Variants in PDE6C observed in about 807,000 individuals in gnomAD.
PDE6C encodes phosphodiesterase 6C, also known as cone cGMP-specific 3',5'-cyclic phosphodiesterase subunit alpha'.
A neutral mutation model predicts 113.1 loss-of-function variants in PDE6C; 75 were observed. That is an observed-to-expected ratio of 0.66 (90% CI 0.55 to 0.80). The LOEUF is 0.80. Ranked by LOEUF, PDE6C falls within the 30% of genes least tolerant of loss-of-function variation. The probability of loss-of-function intolerance (pLI) is 0.00; values close to 1 mark genes in which losing one functional copy is unlikely to be tolerated. For missense variants in PDE6C, 912 were observed against 1,038.6 expected, an observed-to-expected ratio of 0.88 and a Z score of 1.67; for synonymous variants, 375 against 363.7, an observed-to-expected ratio of 1.03 and a Z score of -0.35.
At position 93,613,085 on chromosome 10, in the gene PDE6C, C is replaced by T. The variant is rs1405200041; in HGVS notation, c.360C>T (p.Thr120=). The change falls in exon 1 of 22, where the codon ACC becomes ACT. Residue 120 remains threonine (T), a synonymous_variant. Coordinates refer to ENST00000371447, the MANE Select transcript of PDE6C (RefSeq NM_006204.4). ...VASRLLDVTP[T]SKFEDNLVGP... ...CTAGGTTGCTGGATGTCACCCCCACCTCCAAGTTTGAGGACAACCTGGTGG... is the reference window on the plus strand; with the variant it reads ...CTAGGTTGCTGGATGTCACCCCCACTTCCAAGTTTGAGGACAACCTGGTGG... 6.2e-7 allele frequency: 1 copy of T among 1,614,210 alleles called. No individual in the cohort carries two copies. Among genetic ancestry groups the T allele is most frequent in the Admixed American group, 1.7e-5 (1 of 60,026 alleles).
chr10:93,659,062 T>G, intron 17 of PDE6C, 42 bp from the exon 18 acceptor site: 2 of 1,573,876 alleles, frequency 1.3e-6, no homozygotes, highest in South Asian at 1.1e-5. Context: ...TAACTTATTT[T>G]GTACTTATTT....
intron 15 of PDE6C, 121 bp from the exon 16 acceptor site, chr10:93,655,639 C>CAAAAAA: frequency 3.1e-6 from 1 of 318,960 alleles, no homozygotes. Flanking sequence ...GGAAGGAAAA[C>CAAAAAA]AAAAAAAAAA....
intron 15 of PDE6C, among the ~76,000 whole-genome samples, chr10:93,648,304 C>T (rs188127805): frequency 7.0e-4 from 106 of 152,222 alleles, no homozygotes; most frequent in African/African-American, 2.3e-3. Flanking sequence ...CTCTGTAATA[C>T]CATTCAACCT....
chr10:93,613,590 T>C (rs1421458173), intron 1 of PDE6C, among the ~76,000 whole-genome samples: 5 of 152,192 alleles, frequency 3.3e-5, no homozygotes, highest in African/African-American at 1.2e-4. Context: ...ACTAGGGAGA[T>C]GGGCCAACGT....
At chr10:93,619,530 G>A (rs551259647) in intron 1 of PDE6C, among the ~76,000 whole-genome samples, 2 of 152,246 alleles carry the variant, frequency 1.3e-5, no homozygotes, top group East Asian at 3.9e-4. Context: ...GGGTTCAAGC[G>A]ACTCCCCTGC....
chr10:93,627,217 G>A (rs571873635), intron 7 of PDE6C, among the ~76,000 whole-genome samples: 8 of 131,306 alleles, frequency 6.1e-5, no homozygotes, highest in South Asian at 2.4e-4. Context: ...AGCCAAGATC[G>A]CGCCATTGCA....
intron 1 of PDE6C, 91 bp downstream of exon 1, chr10:93,613,296 A>G: frequency 6.4e-7 from 1 of 1,554,992 alleles, no homozygotes; most frequent in Non-Finnish European, 8.8e-7. Flanking sequence ...TTGTGGCATT[A>G]GTTTGGCAAT....
chr10:93,627,311 A>G (rs1323500938), intron 7 of PDE6C, among the ~76,000 whole-genome samples: 1 of 147,262 alleles, frequency 6.8e-6, no homozygotes, highest in Non-Finnish European at 1.5e-5. Context: ...TTGGCATAGG[A>G]CAAAGGAGAG....
At chr10:93,644,845 CATAT>C (rs779935694) in intron 14 of PDE6C, among the ~76,000 whole-genome samples, 1 of 126,054 alleles carries the variant, frequency 7.9e-6, no homozygotes, top group Non-Finnish European at 1.8e-5. Context: ...ATATATAGTA[CATAT>C]ATATAGTGTA....
chr10:93,633,358 C>T (rs112049707), intron 8 of PDE6C, among the ~76,000 whole-genome samples: 2 of 150,948 alleles, frequency 1.3e-5, no homozygotes, highest in African/African-American at 2.4e-5. Context: ...CCCAGCTACT[C>T]GTGAGGCTGA....
At chr10:93,628,322 C>T (rs949167393) in intron 7 of PDE6C, among the ~76,000 whole-genome samples, 5 of 152,170 alleles carry the variant, frequency 3.3e-5, no homozygotes, top group South Asian at 2.1e-4. Flanking sequence ...TGGTGGCTCA[C>T]GCCTGTAATC....
intron 14 of PDE6C, among the ~76,000 whole-genome samples, chr10:93,641,622 C>T (rs773050391): frequency 1.3e-5 from 2 of 151,734 alleles, no homozygotes; most frequent in East Asian, 1.9e-4. Context: ...CCAGCTGGAG[C>T]GACAAAGAGA....
chr10:93,661,260 C>T (rs1182795499), intron 18 of PDE6C, among the ~76,000 whole-genome samples: 4 of 152,166 alleles, frequency 2.6e-5, no homozygotes, highest in African/African-American at 9.7e-5. Context: ...TCTCCCATGT[C>T]ATTGCTTCAC....
chr10:93,642,339 G>A (rs1278504738), intron 14 of PDE6C, among the ~76,000 whole-genome samples: 1 of 152,154 alleles, frequency 6.6e-6, no homozygotes. Flanking sequence ...ACTCCAGCCT[G>A]GGTGACAGAG....
chr10:93,652,997 G>C (rs61704056), intron 15 of PDE6C, among the ~76,000 whole-genome samples: 6,434 of 152,032 alleles, frequency 0.042, 455 homozygotes, highest in African/African-American at 0.15. Context: ...CCCTCCCCCT[G>C]CTTTTTTTCC....
Position 93,663,009 on chromosome 10 carries a change from G to A in PDE6C, c.2368-19G>A. The A allele has an allele frequency of 6.2e-7, 1 of 1,600,338 alleles. No homozygotes were observed. The highest frequency in any genetic ancestry group is 8.5e-7 in the Non-Finnish European group (1 of 1,169,624). ...TAACTGTATGATTTATGTAGTTTCT[G>A]ACCTAAAATTCCTTTTAGGAGTTCT... On this transcript the variant is annotated intron_variant, in intron 20 of 21. Transcript: ENST00000371447.
intron 5 of PDE6C, 145 bp downstream of exon 5, chr10:93,625,794 G>A: frequency 2.9e-6 from 2 of 681,078 alleles, no homozygotes; most frequent in African/African-American, 1.8e-5. Flanking sequence ...TCTAGTCCCA[G>A]CTATGCCCCA....
At chr10:93,635,331 G>A (rs895926996) in intron 9 of PDE6C, among the ~76,000 whole-genome samples, 166 bp from the exon 10 acceptor site, 7 of 152,052 alleles carry the variant, frequency 4.6e-5, no homozygotes, top group Admixed American at 1.3e-4. Context: ...AATTCAGCCA[G>A]TTTTATTGTC....
At chr10:93,644,106 A>G (rs2058571993) in intron 14 of PDE6C, among the ~76,000 whole-genome samples, 1 of 152,158 alleles carries the variant, frequency 6.6e-6, no homozygotes, top group African/African-American at 2.4e-5. Flanking sequence ...TTGTTTCCTG[A>G]TTAATAAATT....
Sources: allele counts gnomAD v4.1 joint callset (sites outside exome capture counted in the v4.1 genomes callset), GRCh38; gene constraint gnomAD v4.1.1; transcripts MANE v1.5; gene names NCBI Gene and HGNC (gene_info 2026-07-23, HGNC 2026-07-21).